SLC25A30: variants seen among roughly 807,000 people sequenced by gnomAD.
SLC25A30 encodes kidney mitochondrial carrier protein 1.
Under a neutral mutation model 42.7 loss-of-function variants are expected in SLC25A30, and 29 were observed. The ratio of observed to expected loss-of-function variants is 0.68; its 90% CI spans 0.51 to 0.93. The LOEUF (loss-of-function observed/expected upper bound fraction) is 0.93, where lower values mean the gene tolerates loss of function less well. SLC25A30 is among the 40% of genes least tolerant of loss of function. SLC25A30 has a pLI of 0.00. For synonymous variants in SLC25A30, 124 were observed against 131.0 expected (o/e 0.95, Z 0.37); for missense variants, 300 against 359.7 (o/e 0.83, Z 1.34).
chr13:45,394,322 C>CA lies in SLC25A30; in HGVS notation c.*1651dup. ...AGCTCTCACTTTTGGAAATAATATT[C>CA]AAAGGGACCATTCATGCATAAGGAA... On this transcript the variant is annotated 3_prime_UTR_variant, in exon 10 of 10. Coordinates refer to ENST00000519676, the MANE Select transcript of SLC25A30 (RefSeq NM_001010875.4). The CA allele has an allele frequency of 1.0e-6, 1 of 965,174 alleles. No homozygotes were observed. The highest frequency in any genetic ancestry group is 1.2e-6 in the Non-Finnish European group (1 of 826,326). 59.8% of individuals were successfully genotyped at this position (965,174 alleles called of 1,614,324 possible). A position where few individuals can be genotyped will look rare whatever the true frequency, so the allele number is the denominator to read the frequency against.
At chr13:45,409,870 A>G (rs1882851731) in intron 2 of SLC25A30, among the ~76,000 whole-genome samples, 1 of 152,228 alleles carries the variant, frequency 6.6e-6, no homozygotes, top group Non-Finnish European at 1.5e-5. Context: ...TACCTAACAA[A>G]TAGTCCACCC....
intron 8 of SLC25A30, 23 bp downstream of exon 8, chr13:45,398,917 C>T (rs374260947): frequency 2.5e-5 from 40 of 1,608,504 alleles, no homozygotes; most frequent in Admixed American, 5.1e-5. Context: ...CACAACCCTG[C>T]AGAGACAGAC....
rs1468442367 is a variant in SLC25A30, at chr13:45,395,330, GATT to G, written c.*641_*643del. 1.2e-5 allele frequency: 12 copies of G among 986,594 alleles called. No homozygotes were observed. The Admixed American group carries it at 4.8e-4, about 40-fold the overall frequency. The allele number at this position is 986,594 out of a possible 1,614,324, so 61.1% of individuals were successfully genotyped here. On this transcript the variant is annotated 3_prime_UTR_variant, in exon 10 of 10. Coordinates refer to ENST00000519676, the MANE Select transcript of SLC25A30 (RefSeq NM_001010875.4). Reference sequence around the variant, plus strand: ...CACATAACACCACCACGAATTTAGAGATTATTACTTTGTAACAATTTCTCACAA... The same window carrying G: ...CACATAACACCACCACGAATTTAGAGATTACTTTGTAACAATTTCTCACAA...
the SLC25A30 span, among the ~76,000 whole-genome samples, chr13:45,433,041 A>AAAG: frequency 2.5e-3 from 376 of 151,772 alleles, 3 homozygotes; most frequent in African/African-American, 8.5e-3. Flanking sequence ...TCAAAAAAAA[A>AAAG]AAAAAAAAAT....
At chr13:45,422,101 TTCA>T (rs1354964129), upstream of SLC25A30, among the ~76,000 whole-genome samples, 1 of 152,222 alleles carries the variant, frequency 6.6e-6, no homozygotes, top group Non-Finnish European at 1.5e-5. Flanking sequence ...CATCATGGTT[TTCA>T]TCATCTTGGC....
chr13:45,430,135 A>C, the SLC25A30 span, among the ~76,000 whole-genome samples: 2 of 152,154 alleles, frequency 1.3e-5, no homozygotes, highest in Non-Finnish European at 2.9e-5. Context: ...TAATCATAGT[A>C]TACTATACGG....
At chr13:45,408,800 T>C in intron 3 of SLC25A30, 127 bp downstream of exon 3, 1 of 727,354 alleles carries the variant, frequency 1.4e-6, no homozygotes, top group South Asian at 4.6e-5. Context: ...GAAAAATCTG[T>C]CATGCTATTT....
the SLC25A30 span, among the ~76,000 whole-genome samples, chr13:45,431,151 G>A: frequency 3.0e-4 from 46 of 152,154 alleles, 1 homozygote; most frequent in Admixed American, 2.6e-3. Context: ...GGATTCAAGC[G>A]ATTCTCCTGC....
the SLC25A30 span, among the ~76,000 whole-genome samples, chr13:45,424,710 C>CATATATAAAT: frequency 2.2e-4 from 9 of 40,678 alleles, 1 homozygote; most frequent in African/African-American, 8.2e-4. Context: ...TATATAAATA[C>CATATATAAAT]ATATATAAAT....
chr13:45,421,295 C>T (rs145108127), upstream of SLC25A30, among the ~76,000 whole-genome samples: 110 of 145,282 alleles, frequency 7.6e-4, 1 homozygote, highest in African/African-American at 2.6e-3. Context: ...AGGAGAATTG[C>T]TGGAACCTGG....
chr13:45,416,358 A>C (rs1336964503), intron 1 of SLC25A30, among the ~76,000 whole-genome samples: 1 of 152,044 alleles, frequency 6.6e-6, no homozygotes, highest in Non-Finnish European at 1.5e-5. Context: ...CAGTAAGCTG[A>C]GACCGCACCA....
At chr13:45,419,730 G>A (rs1044170314), upstream of SLC25A30, among the ~76,000 whole-genome samples, 1 of 149,226 alleles carries the variant, frequency 6.7e-6, no homozygotes, top group Non-Finnish European at 1.5e-5. Flanking sequence ...GGGAGTTCGA[G>A]ACCAGCCTGA....
upstream of SLC25A30, among the ~76,000 whole-genome samples, chr13:45,420,848 G>A (rs757515930): frequency 1.2e-4 from 19 of 152,078 alleles, no homozygotes; most frequent in Non-Finnish European, 2.8e-4. Context: ...GTACAGGCAT[G>A]AGCCACCATG....
At chr13:45,424,438 AAT>A in the SLC25A30 span, among the ~76,000 whole-genome samples, 1 of 71,194 alleles carries the variant, frequency 1.4e-5, no homozygotes, top group Non-Finnish European at 2.5e-5. Context: ...TATATATATA[AAT>A]ATATAAAAAT....
rs932578577 is a variant in SLC25A30 at position 45,411,480 on chromosome 13, C to T, written c.-55G>A. 4.5e-6 allele frequency: 7 copies of T among 1,549,998 alleles called. No homozygotes were observed. The African/African-American group carries it at 8.1e-5, about 18-fold the overall frequency. The stretch of plus-strand genomic sequence containing the variant: ...AAACATTGCCTCCAGTGCTGTTTTT[C>T]CTGGACACAACAATAAGATATTATC... On this transcript the variant is annotated splice_region_variant and 5_prime_UTR_variant, in exon 2 of 10. Transcript: ENST00000519676.
chr13:45,406,333 A>G (rs1376991255), intron 3 of SLC25A30, among the ~76,000 whole-genome samples: 1 of 152,120 alleles, frequency 6.6e-6, no homozygotes, highest in Non-Finnish European at 1.5e-5. Context: ...CGGCCTCCCA[A>G]AGTGCTGGGA....
chr13:45,430,694 C>A, the SLC25A30 span, among the ~76,000 whole-genome samples: 1 of 152,028 alleles, frequency 6.6e-6, no homozygotes, highest in Non-Finnish European at 1.5e-5. Flanking sequence ...GTAGTCCCAG[C>A]CACTTGGGAG....
rs200424300 is a variant in SLC25A30 at position 45,397,252 on chromosome 13, G to T, written c.834+6C>A. The stretch of plus-strand genomic sequence containing the variant: ...TTTTCAGATCTATTGCAACAGAAAA[G>T]GATACAATGATATTCCAAGGACCAA... On this transcript the variant is annotated splice_donor_region_variant and intron_variant, in intron 9 of 9. Coordinates refer to ENST00000519676, the MANE Select transcript of SLC25A30 (RefSeq NM_001010875.4). 5.0e-6 allele frequency: 8 copies of T among 1,585,072 alleles called. No homozygotes were observed. Among genetic ancestry groups the T allele is most frequent in the Middle Eastern group, 1.7e-4 (1 of 6,002 alleles).
At chr13:45,428,780 C>G in the SLC25A30 span, among the ~76,000 whole-genome samples, 1 of 151,826 alleles carries the variant, frequency 6.6e-6, no homozygotes, top group Non-Finnish European at 1.5e-5. Flanking sequence ...CTCAGCCTCC[C>G]AAAGTGCAGG....
Sources: allele counts gnomAD v4.1 joint callset (sites outside exome capture counted in the v4.1 genomes callset), GRCh38; gene constraint gnomAD v4.1.1; transcripts MANE v1.5; gene names NCBI Gene and HGNC (gene_info 2026-07-23, HGNC 2026-07-21).